Variants in FYCO1 observed in about 807,000 individuals in gnomAD.
The protein encoded by FYCO1 is FYVE and coiled-coil domain-containing protein 1.
A neutral mutation model predicts 165.1 loss-of-function variants in FYCO1; 122 were observed. The ratio of observed to expected loss-of-function variants is 0.74; its 90% CI spans 0.64 to 0.86. The LOEUF (loss-of-function observed/expected upper bound fraction) is 0.86, where lower values mean the gene tolerates loss of function less well. FYCO1 is among the 40% of genes least tolerant of loss of function. The pLI is 0.00. For synonymous variants in FYCO1, 648 were observed against 742.5 expected, an observed-to-expected ratio of 0.87 and a Z score of 2.07; for missense variants, 1,702 against 1,810.3, an observed-to-expected ratio of 0.94 and a Z score of 1.09.
intron 15 of FYCO1, among the ~76,000 whole-genome samples, chr3:45,935,110 CA>C (rs1703824705): frequency 6.6e-6 from 1 of 152,154 alleles, no homozygotes; most frequent in Admixed American, 6.5e-5. Context: ...CTCTCACGAC[CA>C]CATCTAAACC....
intron 4 of FYCO1, among the ~76,000 whole-genome samples, chr3:45,978,313 C>A (rs1706870933): frequency 6.6e-6 from 1 of 152,170 alleles, no homozygotes; most frequent in Non-Finnish European, 1.5e-5. Context: ...ATTTATGATG[C>A]ACTAAAATTA....
chr3:45,984,489 C>A (rs1707219518), intron 2 of FYCO1: 2 of 384,936 alleles, frequency 5.2e-6, no homozygotes, highest in South Asian at 4.4e-5. Flanking sequence ...GGAGAAAGAA[C>A]ATTCTTTTCC....
intron 15 of FYCO1, among the ~76,000 whole-genome samples, chr3:45,934,749 G>A (rs145446835): frequency 2.2e-4 from 34 of 152,278 alleles, no homozygotes; most frequent in African/African-American, 7.5e-4. Flanking sequence ...AGCCATTCAC[G>A]ACCACCCAAG....
At chr3:45,953,562 C>T (rs1166689218) in intron 14 of FYCO1, among the ~76,000 whole-genome samples, 2 of 152,150 alleles carry the variant, frequency 1.3e-5, no homozygotes, top group Admixed American at 6.5e-5. Context: ...ACCTTGTTGG[C>T]AAATAGCTAC....
chr3:45,966,336 G>A lies in FYCO1; in HGVS notation c.2998C>T (p.Leu1000Phe). ...QSLQEAAHQE[L>F]NTLKFQLSAE... ...CTCAGCTGGAACTTGAGGGTGTTGAGCTCCTGGTGTGCAGCCTCTTGGAGG... is the reference window on the plus strand; with the variant it reads ...CTCAGCTGGAACTTGAGGGTGTTGAACTCCTGGTGTGCAGCCTCTTGGAGG... The change falls in exon 8 of 18, where the codon CTC becomes TTC. Residue 1000 changes from leucine to phenylalanine, a missense_variant. By Grantham distance (22) the Leu-to-Phe change is conservative. Transcript: ENST00000296137. 1 of 1,614,186 alleles carries A rather than the reference G, an allele frequency of 6.2e-7. No individual in the cohort carries two copies. Among genetic ancestry groups the A allele is most frequent in the Non-Finnish European group, 8.5e-7 (1 of 1,180,008 alleles).
intron 1 of FYCO1, among the ~76,000 whole-genome samples, chr3:45,990,659 T>G (rs941925862): frequency 6.6e-6 from 1 of 152,200 alleles, no homozygotes; most frequent in Non-Finnish European, 1.5e-5. Context: ...GCTGAATGAA[T>G]GAATGAATTA....
chr3:45,986,462 C>T (rs375401565), intron 1 of FYCO1, among the ~76,000 whole-genome samples: 12 of 152,210 alleles, frequency 7.9e-5, no homozygotes, highest in East Asian at 7.7e-4. Context: ...AGGATTCCTG[C>T]CTCTGCCCGA....
In FYCO1 at chr3:45,930,789, C is replaced by T. The variant is rs558839713; in HGVS notation, c.4251+282G>A. ...TAAATTGAGTCATACGTCTGTATTC[C>T]TCTTTCACCTACCCATCTATCCCAA... is the stretch of plus-strand genomic sequence containing the variant. On this transcript the variant is annotated intron_variant, in intron 16 of 17. Transcript: ENST00000296137. Among the ~76,000 whole-genome samples the T allele has an allele frequency of 2.6e-5, 4 of 152,324 alleles. No homozygotes were observed. The South Asian group carries it at 8.3e-4, about 32-fold the overall frequency.
At chr3:45,991,271 G>A (rs1260435341) in intron 1 of FYCO1, among the ~76,000 whole-genome samples, 2 of 152,096 alleles carry the variant, frequency 1.3e-5, no homozygotes, top group Admixed American at 6.5e-5. Context: ...TATAATTCAG[G>A]GATGGATGAA....
At chr3:45,986,614 C>G (rs896935583) in intron 1 of FYCO1, among the ~76,000 whole-genome samples, 1 of 152,182 alleles carries the variant, frequency 6.6e-6, no homozygotes, top group Admixed American at 6.5e-5. Flanking sequence ...GTACCACAGT[C>G]CCAGGAATTC....
In FYCO1 at chr3:45,968,540, GC is replaced by G; in HGVS notation, c.793del (p.Ala265GlnfsTer31). Reference protein sequence around the residue: ...QLDRENQELRAAVSQQGEQLQ... With the variant: ...QLDRENQELRXAVSQQGEQLQ... ...TTGCTCCCCTTGCTGGCTGACAGCT[GC>G]CCTCAGCTCCTGGTTCTCTCTGTCC... is the stretch of plus-strand genomic sequence containing the variant. On this transcript the variant is annotated frameshift_variant, in exon 8 of 18. Transcript: ENST00000296137. LOFTEE classifies it high-confidence loss of function. 6.2e-7 allele frequency: 1 copy of G among 1,613,942 alleles called. No individual in the cohort carries two copies.
At chr3:45,940,807 G>C (rs1704182328) in intron 14 of FYCO1, 1 of 152,114 alleles carries the variant, frequency 6.6e-6, no homozygotes, top group South Asian at 2.1e-4. Flanking sequence ...CTCCAAGGAG[G>C]CAAGACTTGA....
At chr3:45,971,552 A>C (rs1240069939) in intron 6 of FYCO1, among the ~76,000 whole-genome samples, 3 of 152,254 alleles carry the variant, frequency 2.0e-5, no homozygotes, top group African/African-American at 7.2e-5. Flanking sequence ...GTGTGCCTCC[A>C]GATACAGTGT....
chr3:45,975,303 A>C lies in FYCO1; in HGVS notation c.331T>G (p.Ser111Ala), dbSNP rs552223395. 23 of 1,614,166 alleles carry C rather than the reference A, an allele frequency of 1.4e-5. No individual in the cohort carries two copies. The highest frequency in any genetic ancestry group is 1.9e-5 in the Non-Finnish European group (23 of 1,179,998). Residue 111 changes from serine to alanine, a missense_variant, in exon 5 of 18, where the codon TCC becomes GCC. Ser to Ala is a moderately conservative substitution (Grantham distance 99). Transcript: ENST00000296137. ...LGKGRAFIRY[S>A]LVHQRLADTL... ...TCTGCCAACCTCTGGTGCACCAAGGAGTAGCGAATAAATGCTCTTCCTTTC... is the reference window on the plus strand; with the variant it reads ...TCTGCCAACCTCTGGTGCACCAAGGCGTAGCGAATAAATGCTCTTCCTTTC...
chr3:45,964,661 G>T lies in FYCO1; in HGVS notation c.3151-207C>A, dbSNP rs1310683702. The T allele has an allele frequency of 1.8e-6, 1 of 565,138 alleles. No individual in the cohort carries two copies. Among genetic ancestry groups the T allele is most frequent in the Non-Finnish European group, 2.2e-6 (1 of 446,200 alleles). The allele number at this position is 565,138 out of a possible 1,614,324, so 35.0% of individuals were successfully genotyped here. On this transcript the variant is annotated intron_variant, in intron 9 of 17. Transcript: ENST00000296137. This position sits in a 1 kb window ranked among gnomAD's most constrained non-coding sequence, Gnocchi z 4.1. ...AGTTGTGGTGGTTGGCAAGTGGCAG[G>T]TACCAGAATTCCCAGGGTAACACTG... is the stretch of plus-strand genomic sequence containing the variant.
intron 1 of FYCO1, among the ~76,000 whole-genome samples, chr3:45,985,940 A>C (rs1707293505): frequency 6.6e-6 from 1 of 152,252 alleles, no homozygotes; most frequent in Admixed American, 6.5e-5. Flanking sequence ...GGCAAAGTAG[A>C]TAGCAAGACT....
intron 15 of FYCO1, among the ~76,000 whole-genome samples, chr3:45,931,748 A>G (rs1290631828): frequency 6.6e-6 from 1 of 152,192 alleles, no homozygotes; most frequent in Non-Finnish European, 1.5e-5. Context: ...CAAGCCTCCC[A>G]GCCTTCTGAT....
intron 14 of FYCO1, among the ~76,000 whole-genome samples, chr3:45,939,815 A>G (rs1015659686): frequency 6.6e-6 from 1 of 152,258 alleles, no homozygotes; most frequent in Admixed American, 6.5e-5. Flanking sequence ...AGTAGCCACT[A>G]GCCATATGTG....
chr3:45,986,507 G>A (rs1388866041), intron 1 of FYCO1, among the ~76,000 whole-genome samples: 1 of 152,194 alleles, frequency 6.6e-6, no homozygotes, highest in African/African-American at 2.4e-5. Flanking sequence ...GATAACTAGA[G>A]CCTATTTTTA....
Sources: allele counts gnomAD v4.1 joint callset (sites outside exome capture counted in the v4.1 genomes callset), GRCh38; gene constraint gnomAD v4.1.1; non-coding constraint Gnocchi (gnomAD v3.1); transcripts MANE v1.5; gene names NCBI Gene and HGNC (gene_info 2026-07-23, HGNC 2026-07-21).